OTOF: variants seen among roughly 807,000 people sequenced by gnomAD.
OTOF encodes the protein otoferlin, also known as fer-1-like family member 2.
A neutral mutation model predicts 236.8 loss-of-function variants in OTOF; 218 were observed. The observed-to-expected ratio is 0.92, with a 90% CI of 0.82 to 1.03. The LOEUF is 1.03. OTOF is among the 50% of genes least tolerant of loss of function. The pLI, the probability that OTOF is intolerant of heterozygous loss-of-function variation, is 0.00. For missense variants in OTOF, 2,590 were observed against 2,694.4 expected, an observed-to-expected ratio of 0.96 and a Z score of 0.86; for synonymous variants, 1,041 against 1,072.5, an observed-to-expected ratio of 0.97 and a Z score of 0.57.
chr2:26,547,174 A>G (rs1221840463), intron 1 of OTOF, among the ~76,000 whole-genome samples: 1 of 152,182 alleles, frequency 6.6e-6, no homozygotes, highest in African/African-American at 2.4e-5. Context: ...GCTGATAGTT[A>G]TTATCATGAA....
intron 5 of OTOF, among the ~76,000 whole-genome samples, chr2:26,507,842 T>C (rs1666287163): frequency 6.6e-6 from 1 of 152,178 alleles, no homozygotes; most frequent in Non-Finnish European, 1.5e-5. Context: ...GGTATTTATC[T>C]CTAGAGGAAA....
rs1665649785 is a variant in OTOF at position 26,484,420 on chromosome 2, T to C, written c.1205+54A>G. The C allele has an allele frequency of 2.5e-6, 4 of 1,604,814 alleles. No homozygotes were observed. In the South Asian group the frequency reaches 3.3e-5, roughly 13 times the overall value. The stretch of plus-strand genomic sequence containing the variant: ...CAGCAAACCCTCACCGGGGGCTCCC[T>C]GGGGGAAGGAAGGGCTGGCTCAGAC... On this transcript the variant is annotated intron_variant, in intron 12 of 46. Coordinates refer to ENST00000272371, the MANE Select transcript of OTOF (RefSeq NM_194248.3).
chr2:26,495,953 T>TC (rs748726078), intron 8 of OTOF, among the ~76,000 whole-genome samples: 7 of 151,998 alleles, frequency 4.6e-5, no homozygotes, highest in South Asian at 2.1e-4. Context: ...GGAATTTGGC[T>TC]CCCCCCCCTT....
chr2:26,550,637 C>T (rs750240070), intron 1 of OTOF, among the ~76,000 whole-genome samples: 6 of 152,132 alleles, frequency 3.9e-5, no homozygotes, highest in East Asian at 3.9e-4. Flanking sequence ...CCTGGGTCCG[C>T]GGTGGTCCCC....
chr2:26,503,783 G>A lies in OTOF; in HGVS notation c.572C>T (p.Pro191Leu). Residue 191 changes from proline (P) to leucine (L), a missense_variant, in exon 6 of 47, where the codon CCC (proline) becomes CTC (leucine). Pro to Leu is a moderately conservative substitution (Grantham distance 98). This residue lies in a region of OTOF where 1,379 missense variants were observed against 1,341.6 expected (regional missense o/e 1.03). Coordinates refer to ENST00000272371, the MANE Select transcript of OTOF (RefSeq NM_194248.3). ...GGCACCTGTCCTACCTGGTCTTTGG[G>A]GCTCCTCCTTGTGAGACCGGTTTTT... Reference protein sequence around the residue: ...LGKNRSHKEEPQRPDEPAVLE... With the variant: ...LGKNRSHKEELQRPDEPAVLE... The A allele has an allele frequency of 6.2e-7, 1 of 1,613,948 alleles. No individual in the cohort carries two copies. The highest frequency in any genetic ancestry group is 8.5e-7 in the Non-Finnish European group (1 of 1,179,834).
At chr2:26,482,310 C>G (rs973240026) in intron 14 of OTOF, 96 bp downstream of exon 14, 2 of 1,186,114 alleles carry the variant, frequency 1.7e-6, no homozygotes, top group Admixed American at 1.8e-5. Flanking sequence ...AGGACCAGAG[C>G]TGATGACGGT....
rs185300637 is a variant in OTOF, at chr2:26,546,042, G to A, written c.80-8268C>T. ...AAAACTTAGCTACTAATAGACTACTGTTAACCAGAAGCCTTAATGATAACA... is the reference window on the plus strand; with the variant it reads ...AAAACTTAGCTACTAATAGACTACTATTAACCAGAAGCCTTAATGATAACA... On this transcript the variant is annotated intron_variant, in intron 1 of 46. Coordinates refer to ENST00000272371, the MANE Select transcript of OTOF (RefSeq NM_194248.3). Among the ~76,000 whole-genome samples, 75 of 152,238 alleles carry A rather than the reference G, an allele frequency of 4.9e-4. No homozygotes were observed. In the East Asian group the frequency reaches 0.013, roughly 27 times the overall value.
chr2:26,472,591 T>A lies in OTOF; in HGVS notation c.3792A>T (p.Thr1264=), dbSNP rs749181826. ...GCTCCATAGTCACCACAACCTCCCC[T>A]GTGGAGTGAGAGGAGGAGCCCCCAT... ...LCNGGSSSHS[T]GEVVVTMEPE... The change falls in exon 30 of 47, where the codon ACA becomes ACT. Residue 1264 remains threonine (T), a synonymous_variant. Transcript: ENST00000272371. 3 of 1,613,342 alleles carry A rather than the reference T, an allele frequency of 1.9e-6. No homozygotes were observed. Among genetic ancestry groups the A allele is most frequent in the Non-Finnish European group, 2.5e-6 (3 of 1,179,950 alleles).
rs184156868 is a variant in OTOF at position 26,506,786 on chromosome 2, G to C, written c.510-2941C>G. ...AGGCCGAGGCAGGTGGATCACTTGAGGTCAGGAGTTCAAGACCAGCCTGGT... is the reference window on the plus strand; with the variant it reads ...AGGCCGAGGCAGGTGGATCACTTGACGTCAGGAGTTCAAGACCAGCCTGGT... On this transcript the variant is annotated intron_variant, in intron 5 of 46. Coordinates refer to ENST00000272371, the MANE Select transcript of OTOF (RefSeq NM_194248.3). Among the ~76,000 whole-genome samples the C allele has an allele frequency of 3.5e-3, 535 of 152,308 alleles. 3 individuals carry two copies. Among genetic ancestry groups the C allele is most frequent in the African/African-American group, 0.012 (491 of 41,562 alleles).
intron 5 of OTOF, among the ~76,000 whole-genome samples, chr2:26,515,346 C>T (rs142305142): frequency 1.3e-5 from 2 of 152,328 alleles, no homozygotes; most frequent in African/African-American, 2.4e-5. Context: ...TTGTTGCAGG[C>T]CTGGTCACTT....
Position 26,558,645 on chromosome 2 carries a change from G to T in OTOF, c.-74C>A. The T allele has an allele frequency of 7.8e-7, 1 of 1,276,856 alleles. No homozygotes were observed. Among genetic ancestry groups the T allele is most frequent in the Non-Finnish European group, 1.1e-6 (1 of 877,180 alleles). 79.1% of individuals were successfully genotyped at this position (1,276,856 alleles called of 1,614,324 possible). A position where few individuals can be genotyped will look rare whatever the true frequency, so the allele number is the denominator to read the frequency against. On this transcript the variant is annotated 5_prime_UTR_variant, in exon 1 of 47. Transcript: ENST00000272371. ...CTAGCCGGTGGAGCACGGCTCACAC[G>T]CCTCTCTCTTCTCTGCCGCTGCCTC...
In OTOF at chr2:26,461,998, C is replaced by T. The variant is rs1263376390; in HGVS notation, c.5292-61G>A. The stretch of plus-strand genomic sequence containing the variant: ...TGGTGGGGCCTCTCCCACCCACAGC[C>T]ACCTTCCCTCTGCCTCCTCTCCTGC... On this transcript the variant is annotated intron_variant, in intron 42 of 46. Coordinates refer to ENST00000272371, the MANE Select transcript of OTOF (RefSeq NM_194248.3). This position sits in a 1 kb window ranked among gnomAD's most constrained non-coding sequence, Gnocchi z 6.2. The T allele has an allele frequency of 1.9e-6, 3 of 1,613,356 alleles. No homozygotes were observed. The highest frequency in any genetic ancestry group is 2.2e-5 in the East Asian group (1 of 44,872).
At chr2:26,547,424 T>A (rs1282271392) in intron 1 of OTOF, among the ~76,000 whole-genome samples, 4 of 152,226 alleles carry the variant, frequency 2.6e-5, no homozygotes, top group African/African-American at 9.6e-5. Flanking sequence ...GGGCTGTAAT[T>A]TTCTTTTTGT....
chr2:26,487,593 C>A (rs1188379752), intron 11 of OTOF, among the ~76,000 whole-genome samples: 2 of 152,152 alleles, frequency 1.3e-5, no homozygotes, highest in Non-Finnish European at 2.9e-5. Flanking sequence ...CTTACTGATG[C>A]CCTGGTGGTT....
chr2:26,510,887 A>G (rs1024296907), intron 5 of OTOF: 1 of 383,386 alleles, frequency 2.6e-6, no homozygotes, highest in African/African-American at 2.1e-5. Context: ...CTCACCCCAC[A>G]GCTTCGCACG....
At chr2:26,530,006 G>A (rs548986730) in intron 2 of OTOF, among the ~76,000 whole-genome samples, 1 of 152,296 alleles carries the variant, frequency 6.6e-6, no homozygotes, top group East Asian at 1.9e-4. Flanking sequence ...TTATGGGGCT[G>A]CAGGGAAATA....
At chr2:26,464,774 C>A (rs1351563698) in intron 39 of OTOF, 95 bp downstream of exon 39, 2 of 1,281,850 alleles carry the variant, frequency 1.6e-6, no homozygotes, top group Non-Finnish European at 2.2e-6. Context: ...ACACCCCAGG[C>A]TAGGCTGTGA....
intron 5 of OTOF, among the ~76,000 whole-genome samples, chr2:26,506,536 G>A (rs1227064959): frequency 6.6e-6 from 1 of 152,210 alleles, no homozygotes; most frequent in African/African-American, 2.4e-5. Flanking sequence ...AGTCCCGGGG[G>A]GAGTGCAAGG....
intron 11 of OTOF, among the ~76,000 whole-genome samples, chr2:26,488,525 C>T (rs977138367): frequency 6.6e-6 from 1 of 152,220 alleles, no homozygotes; most frequent in African/African-American, 2.4e-5. Flanking sequence ...TACAGGACGC[C>T]ACGGAGCACA....
Sources: gnomAD v4.1 joint callset for allele counts (sites outside exome capture counted in the v4.1 genomes callset) on GRCh38, gnomAD v4.1.1 for gene constraint, gnomAD v4.1.1 regional missense constraint, Gnocchi (gnomAD v3.1) non-coding constraint, MANE v1.5 for transcripts, NCBI Gene and HGNC (gene_info 2026-07-23, HGNC 2026-07-21) for gene names.